SPTBN4: variants seen among roughly 807,000 people sequenced by gnomAD.
SPTBN4 encodes the protein spectrin beta chain, non-erythrocytic 4.
A neutral mutation model predicts 277.8 loss-of-function variants in SPTBN4; 96 were observed. That is an observed-to-expected ratio of 0.35 (90% CI 0.29 to 0.41). The LOEUF (loss-of-function observed/expected upper bound fraction) is 0.41, where lower values mean the gene tolerates loss of function less well. Ranked by LOEUF, SPTBN4 falls within the 10% of genes least tolerant of loss-of-function variation. The pLI, the probability that SPTBN4 is intolerant of heterozygous loss-of-function variation, is 1.00. For missense variants in SPTBN4, 3,006 were observed against 3,595.7 expected (o/e 0.84, Z 4.19); for synonymous variants, 1,481 against 1,580.3 (o/e 0.94, Z 1.49).
intron 31 of SPTBN4, 140 bp from the exon 32 acceptor site, chr19:40,569,517 C>A: frequency 1.3e-6 from 1 of 760,712 alleles, no homozygotes; most frequent in Non-Finnish European, 2.2e-6. Flanking sequence ...CTAAGGCGAG[C>A]ATCTGAGAGA....
chr19:40,504,363 C>T (rs1433569772), intron 12 of SPTBN4, among the ~76,000 whole-genome samples: 1 of 151,918 alleles, frequency 6.6e-6, no homozygotes, highest in Non-Finnish European at 1.5e-5. Context: ...GAGACAGAGA[C>T]AAATAGAGAG....
chr19:40,547,993 C>A (rs1290037259), intron 20 of SPTBN4, among the ~76,000 whole-genome samples: 1 of 152,138 alleles, frequency 6.6e-6, no homozygotes, highest in Non-Finnish European at 1.5e-5. Flanking sequence ...GTTTTCAGTA[C>A]AAACAGCAAG....
chr19:40,570,831 T>C lies in SPTBN4; in HGVS notation c.7319+103T>C, dbSNP rs2081148980. 8 of 1,244,150 alleles carry C rather than the reference T, an allele frequency of 6.4e-6. No individual in the cohort carries two copies. The South Asian group carries it at 1.2e-4, about 19-fold the overall frequency. The allele number at this position is 1,244,150 out of a possible 1,614,324, so 77.1% of individuals were successfully genotyped here. ...GGGGGTGTGGCTCAACTTCAGGCCC[T>C]CCAGCAGGTGGCGGTAGTAGGTGGG... On this transcript the variant is annotated intron_variant, in intron 33 of 35. Coordinates refer to ENST00000598249, the MANE Select transcript of SPTBN4 (RefSeq NM_020971.3).
Position 40,519,791 on chromosome 19 carries a change from C to A in SPTBN4, c.3294C>A (p.Asp1098Glu). The A allele has an allele frequency of 7.0e-7, 1 of 1,435,990 alleles. No individual in the cohort carries two copies. The highest frequency in any genetic ancestry group is 9.0e-7 in the Non-Finnish European group (1 of 1,108,402). 89.0% of individuals were successfully genotyped at this position (1,435,990 alleles called of 1,614,324 possible). A position where few individuals can be genotyped will look rare whatever the true frequency, so the allele number is the denominator to read the frequency against. Residue 1098 changes from aspartate to glutamate, a missense_variant, in exon 16 of 36, where the codon GAC (aspartate) becomes GAA (glutamate). This residue lies in a region of SPTBN4 where 1,759 missense variants were observed against 2,061.5 expected (regional missense o/e 0.85). Coordinates refer to ENST00000598249, the MANE Select transcript of SPTBN4 (RefSeq NM_020971.3). The surrounding 1 kb of genome is among the most constrained non-coding windows in gnomAD (Gnocchi z 5.7). ...TGCAGCGCTTCCTACATGACCTCGA[C>A]GCTTTCCTGGACTGGCTCGTGCGCG... The part of the protein sequence containing the change: ...GRLQRFLHDL[D>E]AFLDWLVRAQ...
chr19:40,472,895 A>G, intron 2 of SPTBN4, 105 bp downstream of exon 2: 1 of 1,160,528 alleles, frequency 8.6e-7, no homozygotes, highest in Non-Finnish European at 1.2e-6. Flanking sequence ...AGCACTGTCC[A>G]ATAGAACTTT....
At chr19:40,553,366 C>T (rs2080939879) in intron 22 of SPTBN4, among the ~76,000 whole-genome samples, 1 of 152,072 alleles carries the variant, frequency 6.6e-6, no homozygotes, top group Non-Finnish European at 1.5e-5. Flanking sequence ...CCTGTAGTCC[C>T]AGCCGCTTGG....
chr19:40,485,182 C>T (rs1263435739), intron 2 of SPTBN4, among the ~76,000 whole-genome samples: 1 of 151,880 alleles, frequency 6.6e-6, no homozygotes, highest in Non-Finnish European at 1.5e-5. Context: ...CAGAGTCTCG[C>T]TTTGTAGCCC....
chr19:40,483,147 C>T (rs1253675940), intron 2 of SPTBN4, among the ~76,000 whole-genome samples: 4 of 151,918 alleles, frequency 2.6e-5, no homozygotes, highest in East Asian at 1.9e-4. Context: ...ACTGGGGTCC[C>T]GAGAGGGGAG....
intron 4 of SPTBN4, among the ~76,000 whole-genome samples, chr19:40,492,234 G>A (rs1270554246): frequency 1.3e-5 from 2 of 151,888 alleles, no homozygotes; most frequent in Admixed American, 1.3e-4. Context: ...GTGTCCAGGG[G>A]AAGACTCAGA....
chr19:40,563,373 G>C (rs577969240), intron 27 of SPTBN4, among the ~76,000 whole-genome samples: 2 of 152,018 alleles, frequency 1.3e-5, no homozygotes, highest in Admixed American at 1.3e-4. Flanking sequence ...TCAGAAACTT[G>C]GAATTTGTTT....
Position 40,490,566 on chromosome 19 carries a change from T to C in SPTBN4, c.495+318T>C, listed in dbSNP as rs1293093528. On this transcript the variant is annotated intron_variant, in intron 4 of 35. Transcript: ENST00000598249. This position sits in a 1 kb window ranked among gnomAD's most constrained non-coding sequence, Gnocchi z 4.3. The stretch of plus-strand genomic sequence containing the variant: ...GGAAGCCCAGATAGGTGGTGTCATC[T>C]GCCCAAGATCACATATACCTGGGTG... Among the ~76,000 whole-genome samples the C allele has an allele frequency of 6.6e-6, 1 of 152,196 alleles. No homozygotes were observed. Among genetic ancestry groups the C allele is most frequent in the Non-Finnish European group, 1.5e-5 (1 of 68,036 alleles).
At chr19:40,504,668 C>CA (rs528324531) in intron 12 of SPTBN4, among the ~76,000 whole-genome samples, 31,226 of 133,282 alleles carry the variant, frequency 0.23, 3,534 homozygotes, top group Middle Eastern at 0.34. Context: ...GACTCCGTCT[C>CA]AAAAAAAAAA....
chr19:40,552,210 C>T (rs1171657237), intron 22 of SPTBN4, among the ~76,000 whole-genome samples: 1 of 151,914 alleles, frequency 6.6e-6, no homozygotes, highest in Non-Finnish European at 1.5e-5. Context: ...AATCCCAGCA[C>T]TTTGGGAGGC....
At chr19:40,481,097 T>A (rs1299399559) in intron 2 of SPTBN4, among the ~76,000 whole-genome samples, 1 of 152,058 alleles carries the variant, frequency 6.6e-6, no homozygotes. Flanking sequence ...AATGGTGGTG[T>A]TCTCAAGTTT....
In SPTBN4 at chr19:40,504,093, G is replaced by A; in HGVS notation, c.1626G>A (p.Gln542=). Residue 542 remains glutamine (Q), a synonymous_variant, in exon 12 of 36, where the codon CAG becomes CAA. Coordinates refer to ENST00000598249, the MANE Select transcript of SPTBN4 (RefSeq NM_020971.3). ...EQNLALQKVF[Q]EMVYMVDWME... ...ACCTTGCCCTGCAGAAGGTCTTCCA[G>A]GAGATGGTGTACATGGTGGACTGGA... 6.2e-7 allele frequency: 1 copy of A among 1,603,574 alleles called. No homozygotes were observed. Among genetic ancestry groups the A allele is most frequent in the Non-Finnish European group, 8.5e-7 (1 of 1,173,706 alleles).
At position 40,568,064 on chromosome 19, in the gene SPTBN4, G is replaced by C; in HGVS notation, c.6738G>C (p.Arg2246Ser). 6.4e-7 allele frequency: 1 copy of C among 1,559,080 alleles called. No homozygotes were observed. The highest frequency in any genetic ancestry group is 8.7e-7 in the Non-Finnish European group (1 of 1,152,244). Residue 2246 changes from arginine (R) to serine (S), a missense_variant, in exon 31 of 36, where the codon AGG (arginine) becomes AGC (serine). By Grantham distance (110) the Arg-to-Ser change is moderately radical. Around this residue, in one of 5 missense-constraint regions of SPTBN4, gnomAD observed 630 missense variants for 677.6 expected, o/e 0.93. Coordinates refer to ENST00000598249, the MANE Select transcript of SPTBN4 (RefSeq NM_020971.3). ...SADRAEELPR[R>S]RRPERQESVD... ...ATCGCGCGGAGGAGCTGCCCAGGAGGCGGCGGCCTGAGCGGCAAGAGTCAG... is the reference window on the plus strand; with the variant it reads ...ATCGCGCGGAGGAGCTGCCCAGGAGCCGGCGGCCTGAGCGGCAAGAGTCAG...
In SPTBN4 at chr19:40,557,479, C is replaced by T. The variant is rs548091427; in HGVS notation, c.5670+76C>T. ...GGCAGCAGAGTGGGCAAAAATCAGG[C>T]TGTGGAGCAGGTCGAAATTAGGCAG... is the stretch of plus-strand genomic sequence containing the variant. On this transcript the variant is annotated intron_variant, in intron 26 of 35. Transcript: ENST00000598249. The T allele has an allele frequency of 3.1e-5, 46 of 1,477,488 alleles. No homozygotes were observed. In the African/African-American group the frequency reaches 5.8e-4, roughly 19 times the overall value. 91.5% of individuals were successfully genotyped at this position (1,477,488 alleles called of 1,614,324 possible). A position where few individuals can be genotyped will look rare whatever the true frequency, so the allele number is the denominator to read the frequency against.
At chr19:40,526,914 G>A (rs994575261) in intron 17 of SPTBN4, among the ~76,000 whole-genome samples, 1 of 152,136 alleles carries the variant, frequency 6.6e-6, no homozygotes. Context: ...TCACCCTCAT[G>A]GAGACTCAGG....
At position 40,532,673 on chromosome 19, in the gene SPTBN4, C is replaced by T. The variant is rs371968804; in HGVS notation, c.3997C>T (p.Arg1333Trp). The T allele has an allele frequency of 5.6e-5, 90 of 1,613,348 alleles. No homozygotes were observed. The highest frequency in any genetic ancestry group is 1.3e-4 in the East Asian group (6 of 44,848). ...EKMLMARDGTREDNHKLHKRW... is the reference protein window; with the variant it reads ...EKMLMARDGTWEDNHKLHKRW... ...GATGCTGATGGCGCGGGATGGCACG[C>T]GGGAGGACAACCACAAGCTGCATAA... Residue 1333 changes from arginine (R) to tryptophan (W), a missense_variant, in exon 19 of 36, where the codon CGG becomes TGG. By Grantham distance (101) the Arg-to-Trp change is moderately radical. Around this residue, in one of 5 missense-constraint regions of SPTBN4, gnomAD observed 1,759 missense variants for 2,061.5 expected, o/e 0.85. Transcript: ENST00000598249.
Sources: gnomAD v4.1 joint callset for allele counts (sites outside exome capture counted in the v4.1 genomes callset) on GRCh38, gnomAD v4.1.1 for gene constraint, gnomAD v4.1.1 regional missense constraint, Gnocchi (gnomAD v3.1) non-coding constraint, MANE v1.5 for transcripts, NCBI Gene and HGNC (gene_info 2026-07-23, HGNC 2026-07-21) for gene names.